The following HIPK2 variants were observed in gnomAD, a reference collection of about 807,000 sequenced individuals.
HIPK2 encodes the protein homeodomain interacting protein kinase 2, also known as homeodomain-interacting protein kinase 2.
HIPK2 carries 27 observed loss-of-function variants against 113.7 expected under a neutral mutation model. The ratio of observed to expected loss-of-function variants is 0.24; its 90% CI spans 0.17 to 0.33. HIPK2 has a LOEUF of 0.33. HIPK2 is among the 10% of genes least tolerant of loss of function. HIPK2 has a pLI of 1.00. For missense variants in HIPK2, 1,257 were observed against 1,588.0 expected, an observed-to-expected ratio of 0.79 and a Z score of 3.54; for synonymous variants, 631 against 642.2, an observed-to-expected ratio of 0.98 and a Z score of 0.26.
intron 2 of HIPK2, among the ~76,000 whole-genome samples, chr7:139,648,028 G>A (rs1326075475): frequency 6.6e-6 from 1 of 152,148 alleles, no homozygotes; most frequent in Non-Finnish European, 1.5e-5. Context: ...CCAGGGAAGT[G>A]CTCAGCTGCC....
intron 2 of HIPK2, among the ~76,000 whole-genome samples, chr7:139,655,162 C>T (rs73156876): frequency 0.058 from 8,853 of 152,274 alleles, 331 homozygotes; most frequent in African/African-American, 0.11. Context: ...TTACTGAATT[C>T]TCAGTGCCCA....
At chr7:139,573,427 CA>C in intron 14 of HIPK2, 30 bp from the exon 15 acceptor site, 1 of 1,590,822 alleles carries the variant, frequency 6.3e-7, no homozygotes. Flanking sequence ...AGAGAGACGT[CA>C]GGGGCCGACA....
intron 1 of HIPK2, among the ~76,000 whole-genome samples, chr7:139,726,648 C>T (rs1795585059): frequency 6.6e-6 from 1 of 152,180 alleles, no homozygotes; most frequent in South Asian, 2.1e-4. Flanking sequence ...CTTTCCTAAC[C>T]AGCACCCAGT....
intron 1 of HIPK2, among the ~76,000 whole-genome samples, chr7:139,756,093 C>A (rs971333217): frequency 1.3e-5 from 2 of 152,150 alleles, no homozygotes; most frequent in African/African-American, 4.8e-5. Context: ...CTGTCTTTTT[C>A]CTATCCCCAA....
intron 12 of HIPK2, among the ~76,000 whole-genome samples, chr7:139,585,567 C>T (rs940183430): frequency 1.3e-5 from 2 of 152,144 alleles, no homozygotes; most frequent in African/African-American, 2.4e-5. Context: ...GGTGACAGGG[C>T]GGTGGGCAGC....
chr7:139,702,403 C>CG (rs1173456700), intron 2 of HIPK2, among the ~76,000 whole-genome samples: 1 of 152,216 alleles, frequency 6.6e-6, no homozygotes, highest in Non-Finnish European at 1.5e-5. Flanking sequence ...AGCCCAGTCA[C>CG]GGGGGTGCAT....
intron 10 of HIPK2, among the ~76,000 whole-genome samples, chr7:139,602,659 C>T (rs1464751264): frequency 6.6e-6 from 1 of 151,862 alleles, no homozygotes; most frequent in Non-Finnish European, 1.5e-5. Context: ...GACAGCTTTC[C>T]ACTCGGCTGC....
intron 2 of HIPK2, among the ~76,000 whole-genome samples, chr7:139,650,640 G>T (rs1410026249): frequency 6.6e-6 from 1 of 152,176 alleles, no homozygotes; most frequent in Non-Finnish European, 1.5e-5. Flanking sequence ...GGGCAAACCT[G>T]TGTAACCAAT....
chr7:139,614,250 A>G, intron 8 of HIPK2, 36 bp downstream of exon 8: 1 of 1,381,584 alleles, frequency 7.2e-7, no homozygotes, highest in Non-Finnish European at 9.5e-7. Context: ...CCGTTCTGTA[A>G]GAAGCAGGTG....
At position 139,570,137 on chromosome 7, in the gene HIPK2, T is replaced by TG. The variant is rs1166230402; in HGVS notation, c.*2789dup. ...TGGAAATGAACTGTGCCCAGGAATC[T>TG]GGGGGTGCTCTCCAGTAAGGCGAAC... On this transcript the variant is annotated 3_prime_UTR_variant, in exon 15 of 15. Coordinates refer to ENST00000406875, the MANE Select transcript of HIPK2 (RefSeq NM_022740.5). 1 of 152,130 alleles carries TG rather than the reference T, an allele frequency of 6.6e-6. No individual in the cohort carries two copies. Among genetic ancestry groups the TG allele is most frequent in the African/African-American group, 2.4e-5 (1 of 41,414 alleles). 9.4% of individuals were successfully genotyped at this position (152,130 alleles called of 1,614,324 possible).
In HIPK2 at chr7:139,631,884, T is replaced by C; in HGVS notation, c.1104-159A>G. ...GCGCTGTGCTACAACAATCCTTCCA[T>C]TCTTTGGCTTGGTCCCCTCCATTAG... On this transcript the variant is annotated intron_variant, in intron 2 of 14. Transcript: ENST00000406875. This position sits in a 1 kb window ranked among gnomAD's most constrained non-coding sequence, Gnocchi z 4.9. The C allele has an allele frequency of 2.0e-6, 1 of 512,324 alleles. No individual in the cohort carries two copies. The highest frequency in any genetic ancestry group is 8.3e-5 in the South Asian group (1 of 12,064). 31.7% of individuals were successfully genotyped at this position (512,324 alleles called of 1,614,324 possible).
Position 139,631,386 on chromosome 7 carries a change from T to C in HIPK2, c.1228-102A>G, listed in dbSNP as rs1800610807. On this transcript the variant is annotated intron_variant, in intron 3 of 14. Transcript: ENST00000406875. This position sits in a 1 kb window ranked among gnomAD's most constrained non-coding sequence, Gnocchi z 4.9. Reference sequence around the variant, plus strand: ...TTGAGAAAAATGAAAATGACAATTTTTGTAGGGAAAGAAGTTAACAAAAAA... The same window carrying C: ...TTGAGAAAAATGAAAATGACAATTTCTGTAGGGAAAGAAGTTAACAAAAAA... 2 of 1,476,340 alleles carry C rather than the reference T, an allele frequency of 1.4e-6. No individual in the cohort carries two copies. The highest frequency in any genetic ancestry group is 2.6e-5 in the Admixed American group (1 of 38,318). 91.5% of individuals were successfully genotyped at this position (1,476,340 alleles called of 1,614,324 possible).
chr7:139,766,811 A>G (rs1796560214), intron 1 of HIPK2, among the ~76,000 whole-genome samples: 1 of 152,238 alleles, frequency 6.6e-6, no homozygotes. Context: ...AGTTAATAAT[A>G]GTGTATTACT....
In HIPK2 at chr7:139,714,185, G is replaced by C. The variant is rs999257324; in HGVS notation, c.1103+1747C>G. Among the ~76,000 whole-genome samples the C allele has an allele frequency of 6.6e-6, 1 of 152,184 alleles. No individual in the cohort carries two copies. Among genetic ancestry groups the C allele is most frequent in the Non-Finnish European group, 1.5e-5 (1 of 68,034 alleles). ...ACCTTTCTGCGCATAGGAAATGAGC[G>C]GGAAAGGAATCCTCAGGGCAGGGCA... On this transcript the variant is annotated intron_variant, in intron 2 of 14. Coordinates refer to ENST00000406875, the MANE Select transcript of HIPK2 (RefSeq NM_022740.5). This position sits in a 1 kb window ranked among gnomAD's most constrained non-coding sequence, Gnocchi z 4.2.
rs766885602 is a variant in HIPK2 at position 139,631,665 on chromosome 7, G to A, written c.1164C>T (p.Gly388=). 9.9e-6 allele frequency: 16 copies of A among 1,613,902 alleles called. 1 individual carries two copies. The South Asian group carries it at 1.8e-4, about 18-fold the overall frequency. ...FCEAIDMWSL[G]CVIAELFLGW... is the part of the protein sequence containing the mutation. ...CCAGGAACAATTCTGCAATAACACA[G>A]CCCAGGGACCACATGTCAATTGCCT... The change falls in exon 3 of 15, where the codon GGC becomes GGT. Residue 388 remains glycine, a synonymous_variant. Transcript: ENST00000406875. The surrounding 1 kb of genome is among the most constrained non-coding windows in gnomAD (Gnocchi z 4.9).
chr7:139,681,384 C>T (rs754779224), intron 2 of HIPK2, among the ~76,000 whole-genome samples: 29 of 152,118 alleles, frequency 1.9e-4, no homozygotes, highest in Non-Finnish European at 4.0e-4. Context: ...TCTTTATTAG[C>T]GGATTTCAAA....
chr7:139,717,915 T>C (rs977136489), intron 1 of HIPK2, among the ~76,000 whole-genome samples: 3 of 152,122 alleles, frequency 2.0e-5, no homozygotes, highest in Non-Finnish European at 4.4e-5. Flanking sequence ...GACTAATTTT[T>C]GAATTTTTAG....
Position 139,572,601 on chromosome 7 carries a change from G to T in HIPK2, c.*326C>A. 4.2e-6 allele frequency: 1 copy of T among 236,616 alleles called. No individual in the cohort carries two copies. The allele number at this position is 236,616 out of a possible 1,614,324, so 14.7% of individuals were successfully genotyped here. Reference sequence around the variant, plus strand: ...AATGGGTTCTTGAGCTGGGTTTTTTGTTATTGACTTTTTTTTTTTCCTTTT... The same window carrying T: ...AATGGGTTCTTGAGCTGGGTTTTTTTTTATTGACTTTTTTTTTTTCCTTTT... On this transcript the variant is annotated 3_prime_UTR_variant, in exon 15 of 15. Transcript: ENST00000406875.
chr7:139,621,418 T>C (rs564661761), intron 6 of HIPK2, among the ~76,000 whole-genome samples: 4 of 152,296 alleles, frequency 2.6e-5, no homozygotes, highest in East Asian at 1.9e-4. Context: ...TCTTCCCCCA[T>C]TGCATCTGTG....
Sources: gnomAD v4.1 joint callset for allele counts (sites outside exome capture counted in the v4.1 genomes callset) on GRCh38, gnomAD v4.1.1 for gene constraint, Gnocchi (gnomAD v3.1) non-coding constraint, MANE v1.5 for transcripts, NCBI Gene and HGNC (gene_info 2026-07-23, HGNC 2026-07-21) for gene names.